ADAMTSL1: variants seen among roughly 807,000 people sequenced by gnomAD.
The protein encoded by ADAMTSL1 is ADAMTS like 1.
In ADAMTSL1, 126 loss-of-function variants were observed where a neutral mutation model predicts 201.8. That is an observed-to-expected ratio of 0.62 (90% CI 0.54 to 0.72). The LOEUF (loss-of-function observed/expected upper bound fraction) is 0.72. Among genes scored for constraint, ADAMTSL1 ranks in the 30% least tolerant of loss-of-function variants. The pLI is 0.00. For synonymous variants in ADAMTSL1, 1,121 were observed against 903.4 expected (o/e 1.24, Z -4.32); for missense variants, 2,679 against 2,277.8 (o/e 1.18, Z -3.59).
chr9:18,255,247 A>G (rs1437286690), intron 2 of ADAMTSL1, among the ~76,000 whole-genome samples: 4 of 152,196 alleles, frequency 2.6e-5, no homozygotes, highest in Non-Finnish European at 4.4e-5. Flanking sequence ...TCCACACAGA[A>G]ACCACTAGGG....
chr9:18,232,137 C>T (rs1257280367), intron 2 of ADAMTSL1, among the ~76,000 whole-genome samples: 3 of 152,156 alleles, frequency 2.0e-5, no homozygotes, highest in Non-Finnish European at 4.4e-5. Context: ...CCTATTTACG[C>T]ACTGACCTTG....
chr9:18,704,844 G>A lies in ADAMTSL1; in HGVS notation c.1575-1903G>A, dbSNP rs117763580. On this transcript the variant is annotated intron_variant, in intron 13 of 28. Coordinates refer to ENST00000380548, the MANE Select transcript of ADAMTSL1 (RefSeq NM_001040272.6). ...GGTGAGAGGGAGGTGAAATTGTGATGAGATTTTCTTGGGATAATTCTGGGT... is the reference window on the plus strand; with the variant it reads ...GGTGAGAGGGAGGTGAAATTGTGATAAGATTTTCTTGGGATAATTCTGGGT... Among the ~76,000 whole-genome samples, 6 of 152,326 alleles carry A rather than the reference G, an allele frequency of 3.9e-5. No individual in the cohort carries two copies. The South Asian group carries it at 1.2e-3, about 32-fold the overall frequency.
intron 3 of ADAMTSL1, among the ~76,000 whole-genome samples, chr9:18,534,910 G>C (rs190820606): frequency 1.2e-4 from 19 of 152,310 alleles, no homozygotes; most frequent in Admixed American, 9.1e-4. Context: ...CCACAGACCT[G>C]GTCCAGGAAA....
chr9:18,568,639 T>C (rs1353380989), intron 3 of ADAMTSL1, among the ~76,000 whole-genome samples: 1 of 152,112 alleles, frequency 6.6e-6, no homozygotes, highest in African/African-American at 2.4e-5. Flanking sequence ...GTAACTGTTA[T>C]GGAGAGTGAG....
chr9:17,925,298 G>A lies in ADAMTSL1; in HGVS notation c.87+18376G>A, dbSNP rs1479558458. Reference sequence around the variant, plus strand: ...CAACCATTGTGGAAGTCAGTGTGGCGATTCCTCAGGGATCTAGAACTAGAA... The same window carrying A: ...CAACCATTGTGGAAGTCAGTGTGGCAATTCCTCAGGGATCTAGAACTAGAA... On this transcript the variant is annotated intron_variant, in intron 1 of 29. Coordinates refer to the ADAMTSL1 transcript ENST00000680146. Among the ~76,000 whole-genome samples, 4 of 121,682 alleles carry A rather than the reference G, an allele frequency of 3.3e-5. 1 individual carries two copies. The highest frequency in any genetic ancestry group is 1.1e-4 in the African/African-American group (4 of 35,830). The allele number at this position is 121,682 out of a possible 152,430, so 79.8% of individuals were successfully genotyped here.
At chr9:17,909,143 C>T (rs1825835260) in intron 1 of ADAMTSL1, among the ~76,000 whole-genome samples, 1 of 144,298 alleles carries the variant, frequency 6.9e-6, no homozygotes. Context: ...CTGTTCATGT[C>T]CTTCGCCCAC....
chr9:18,608,498 G>A (rs1012448209), intron 4 of ADAMTSL1, among the ~76,000 whole-genome samples: 5 of 152,160 alleles, frequency 3.3e-5, no homozygotes, highest in African/African-American at 1.2e-4. Context: ...GAAAATGTAT[G>A]CAGTCCTTTC....
At chr9:18,659,044 G>A (rs1009076614) in intron 8 of ADAMTSL1, among the ~76,000 whole-genome samples, 12 of 152,164 alleles carry the variant, frequency 7.9e-5, no homozygotes, top group African/African-American at 2.4e-4. Context: ...TTTTTCTAAC[G>A]TAATGGATAT....
At chr9:18,358,272 G>C in intron 2 of ADAMTSL1, among the ~76,000 whole-genome samples, 1 of 152,152 alleles carries the variant, frequency 6.6e-6, no homozygotes, top group East Asian at 1.9e-4. Flanking sequence ...GAACTATATG[G>C]AGGAAATGAT....
At chr9:18,292,879 G>C (rs1043754271) in intron 2 of ADAMTSL1, among the ~76,000 whole-genome samples, 1 of 152,134 alleles carries the variant, frequency 6.6e-6, no homozygotes, top group Non-Finnish European at 1.5e-5. Context: ...ATTACCTTGT[G>C]ATCATGTGAG....
chr9:18,007,979 A>C (rs1477716134), intron 1 of ADAMTSL1, among the ~76,000 whole-genome samples: 1 of 152,046 alleles, frequency 6.6e-6, no homozygotes, highest in East Asian at 1.9e-4. Flanking sequence ...TCATATTTCA[A>C]AGAAATTGGC....
At chr9:18,626,487 A>G (rs933263629) in intron 5 of ADAMTSL1, among the ~76,000 whole-genome samples, 1 of 152,230 alleles carries the variant, frequency 6.6e-6, no homozygotes, top group Non-Finnish European at 1.5e-5. Context: ...CATTCGGGAT[A>G]TATTTCATGA....
chr9:18,789,348 G>T (rs377749360), intron 19 of ADAMTSL1, among the ~76,000 whole-genome samples: 4 of 152,260 alleles, frequency 2.6e-5, no homozygotes, highest in African/African-American at 9.6e-5. Context: ...TATAAATGAG[G>T]AAACTGTCAC....
rs779621551 is a variant in ADAMTSL1 at position 18,639,333 on chromosome 9, T to G, written c.756T>G (p.Ser252=). ...SSTGTFLVDN[S]SVDFQKFPDK... ...CAGGAACTTTCCTTGTGGACAATTC[T>G]AGTGTGGACTTCCAGAAATTTCCAG... is the stretch of plus-strand genomic sequence containing the variant. Residue 252 remains serine, a synonymous_variant, in exon 7 of 29, where the codon TCT becomes TCG. Coordinates refer to ENST00000380548, the MANE Select transcript of ADAMTSL1 (RefSeq NM_001040272.6). 6.2e-7 allele frequency: 1 copy of G among 1,613,052 alleles called. No homozygotes were observed.
chr9:18,674,449 A>G (rs1052012241), intron 9 of ADAMTSL1, among the ~76,000 whole-genome samples: 2 of 151,946 alleles, frequency 1.3e-5, no homozygotes, highest in Non-Finnish European at 2.9e-5. Context: ...TTCAGAAACT[A>G]TGCAGGCCCC....
intron 4 of ADAMTSL1, among the ~76,000 whole-genome samples, chr9:18,599,686 C>G (rs1282668801): frequency 6.6e-6 from 1 of 151,108 alleles, no homozygotes; most frequent in East Asian, 1.9e-4. Context: ...TAGCAATGCT[C>G]CAGCCAGATG....
At chr9:18,856,830 T>C (rs1826883221) in intron 23 of ADAMTSL1, among the ~76,000 whole-genome samples, 1 of 152,174 alleles carries the variant, frequency 6.6e-6, no homozygotes, top group African/African-American at 2.4e-5. Context: ...TTACAGACTT[T>C]GAGTTGTCTG....
chr9:18,525,802 A>C (rs1304348510), intron 2 of ADAMTSL1, among the ~76,000 whole-genome samples: 1 of 152,178 alleles, frequency 6.6e-6, no homozygotes, highest in Non-Finnish European at 1.5e-5. Context: ...CACTGTGGTC[A>C]GAGAGACAGT....
At chr9:18,179,246 C>T (rs1306845773) in intron 2 of ADAMTSL1, among the ~76,000 whole-genome samples, 11 of 151,926 alleles carry the variant, frequency 7.2e-5, no homozygotes, top group Admixed American at 2.0e-4. Context: ...CCACAGGAGC[C>T]GATGCGATCA....
Sources: allele counts gnomAD v4.1 joint callset (sites outside exome capture counted in the v4.1 genomes callset), GRCh38; gene constraint gnomAD v4.1.1; transcripts MANE v1.5; gene names NCBI Gene and HGNC (gene_info 2026-07-23, HGNC 2026-07-21).